The following VPS33B variants were observed in gnomAD, a reference collection of about 807,000 sequenced individuals.
VPS33B encodes the protein vacuolar protein sorting-associated protein 33B.
Under a neutral mutation model 95.3 loss-of-function variants are expected in VPS33B, and 80 were observed. The observed-to-expected ratio is 0.84, with a 90% CI of 0.70 to 1.01. The LOEUF (loss-of-function observed/expected upper bound fraction) is 1.01. Among genes scored for constraint, VPS33B ranks in the 50% least tolerant of loss-of-function variants. The pLI, the probability that VPS33B is intolerant of heterozygous loss-of-function variation, is 0.00. For synonymous variants in VPS33B, 280 were observed against 280.4 expected, an observed-to-expected ratio of 1.00 and a Z score of 0.01; for missense variants, 715 against 773.4, an observed-to-expected ratio of 0.92 and a Z score of 0.90.
rs770899857 is a variant in VPS33B, at chr15:91,007,482, C to T, written c.590G>A (p.Gly197Asp). 9 of 1,614,202 alleles carry T rather than the reference C, an allele frequency of 5.6e-6. No homozygotes were observed. The highest frequency in any genetic ancestry group is 6.8e-6 in the Non-Finnish European group (8 of 1,180,034). The change falls in exon 8 of 23, where the codon GGC becomes GAC. Residue 197 changes from glycine to aspartate, a missense_variant. Transcript: ENST00000333371. This position sits in a 1 kb window ranked among gnomAD's most constrained non-coding sequence, Gnocchi z 5.3. ...YGPFPNCYGI[G>D]RCAKMAYELW... The stretch of plus-strand genomic sequence containing the variant: ...TAGTGCTCTTACCTTGGCGCACCTG[C>T]CAATTCCATAGCAGTTTGGAAAGGG...
At chr15:91,001,978 T>C in intron 18 of VPS33B, 72 bp downstream of exon 18, 4 of 1,610,006 alleles carry the variant, frequency 2.5e-6, no homozygotes, top group Non-Finnish European at 3.4e-6. Context: ...ATTCTGTCCC[T>C]CCCAGCATGC....
At chr15:91,014,165 G>A (rs1347514193) in intron 4 of VPS33B, among the ~76,000 whole-genome samples, 1 of 147,458 alleles carries the variant, frequency 6.8e-6, no homozygotes, top group Non-Finnish European at 1.5e-5. Context: ...GTTGCAGTGA[G>A]CCGAGATCGT....
Position 91,007,349 on chromosome 15 carries a change from A to G in VPS33B, c.603+120T>C, listed in dbSNP as rs975862061. ...TCTCCTCTCTGAGGATCTATTCCAG[A>G]ACAATGAAAGCAAAGTAAAGAATAC... On this transcript the variant is annotated intron_variant, in intron 8 of 22. Coordinates refer to ENST00000333371, the MANE Select transcript of VPS33B (RefSeq NM_018668.5). The surrounding 1 kb of genome is among the most constrained non-coding windows in gnomAD (Gnocchi z 5.3). 2.1e-5 allele frequency: 22 copies of G among 1,051,932 alleles called. No individual in the cohort carries two copies. The highest frequency in any genetic ancestry group is 1.4e-4 in the South Asian group (11 of 77,818). 65.2% of individuals were successfully genotyped at this position (1,051,932 alleles called of 1,614,324 possible). A position where few individuals can be genotyped will look rare whatever the true frequency, so the allele number is the denominator to read the frequency against.
rs543999318 is a variant in VPS33B at position 91,002,815 on chromosome 15, C to T, written c.1272+270G>A. ...ACACGGTGCTAAAATGAGGGAGACT[C>T]CCAGGAGAAAGAACTCACACTGGGG... On this transcript the variant is annotated intron_variant, in intron 17 of 22. Transcript: ENST00000333371. The surrounding 1 kb of genome is among the most constrained non-coding windows in gnomAD (Gnocchi z 4.7). 1.8e-4 allele frequency among the ~76,000 whole-genome samples: 26 copies of T among 147,824 alleles called. No individual in the cohort carries two copies. Among genetic ancestry groups the T allele is most frequent in the Middle Eastern group, 3.4e-3 (1 of 290 alleles).
intron 16 of VPS33B, 22 bp from the exon 17 acceptor site, chr15:91,003,153 C>A: frequency 5.0e-6 from 8 of 1,614,018 alleles, no homozygotes; most frequent in Non-Finnish European, 6.8e-6. Context: ...GAAAATAAGA[C>A]AGGTGCATGA....
At position 91,000,611 on chromosome 15, in the gene VPS33B, C is replaced by T. The variant is rs200348382; in HGVS notation, c.1480-20G>A. On this transcript the variant is annotated intron_variant, in intron 19 of 22. Coordinates refer to ENST00000333371, the MANE Select transcript of VPS33B (RefSeq NM_018668.5). This position sits in a 1 kb window ranked among gnomAD's most constrained non-coding sequence, Gnocchi z 4.9. ...TGGGATCTGTAAGACAAAGGGACTT[C>T]ATTAGGCAAGTGACAGCTCAGCTCC... The T allele has an allele frequency of 4.3e-4, 687 of 1,608,162 alleles. 1 individual carries two copies. The highest frequency in any genetic ancestry group is 8.5e-4 in the Admixed American group (51 of 59,802).
In VPS33B at chr15:91,006,557, G is replaced by C. The variant is rs2040610135; in HGVS notation, c.778+95C>G. The C allele has an allele frequency of 6.8e-6, 11 of 1,607,308 alleles. No individual in the cohort carries two copies. In the South Asian group the frequency reaches 1.2e-4, roughly 18 times the overall value. On this transcript the variant is annotated intron_variant, in intron 10 of 22. Coordinates refer to ENST00000333371, the MANE Select transcript of VPS33B (RefSeq NM_018668.5). This position sits in a 1 kb window ranked among gnomAD's most constrained non-coding sequence, Gnocchi z 5.4. ...TTTGGAAGCCAGCAGTTCATTCAGG[G>C]TCTGGGTCTCTCCCACAAACCCTGC...
chr15:91,009,905 C>T lies in VPS33B; in HGVS notation c.358-59G>A. ...CTTCTTCTCTGTTCTCTCCATTTCT[C>T]TGGAGTTCCTCTGTGGTCACTGATG... On this transcript the variant is annotated intron_variant, in intron 5 of 22. Transcript: ENST00000333371. The surrounding 1 kb of genome is among the most constrained non-coding windows in gnomAD (Gnocchi z 4.1). 1 of 1,598,342 alleles carries T rather than the reference C, an allele frequency of 6.3e-7. No individual in the cohort carries two copies. The highest frequency in any genetic ancestry group is 8.6e-7 in the Non-Finnish European group (1 of 1,166,102).
Position 91,007,543 on chromosome 15 carries a change from C to G in VPS33B, c.529G>C (p.Ala177Pro). 1.2e-6 allele frequency: 2 copies of G among 1,614,196 alleles called. No homozygotes were observed. Among genetic ancestry groups the G allele is most frequent in the Non-Finnish European group, 8.5e-7 (1 of 1,180,038 alleles). Residue 177 changes from alanine to proline, a missense_variant, in exon 8 of 23, where the codon GCT (alanine) becomes CCT (proline). Physicochemically the swap from Ala to Pro is conservative, Grantham distance 27. Transcript: ENST00000333371. This position sits in a 1 kb window ranked among gnomAD's most constrained non-coding sequence, Gnocchi z 5.3. ...EGDQRWINTV[A>P]QALHLLSTLY... is the part of the protein sequence containing the mutation. ...GTGCTGAGAAGGTGTAAGGCCTGAG[C>G]TACAGTGTTGATCCAACGCTGATCT...
At chr15:91,001,099 T>A in intron 19 of VPS33B, 1 of 389,238 alleles carries the variant, frequency 2.6e-6, no homozygotes. Flanking sequence ...GCGGATCACC[T>A]GAGGTCAGAA....
At position 91,006,577 on chromosome 15, in the gene VPS33B, C is replaced by T. The variant is rs904247516; in HGVS notation, c.778+75G>A. The T allele has an allele frequency of 6.2e-7, 1 of 1,609,872 alleles. No individual in the cohort carries two copies. The highest frequency in any genetic ancestry group is 1.1e-5 in the South Asian group (1 of 90,982). Reference sequence around the variant, plus strand: ...TCAGGGTCTGGGTCTCTCCCACAAACCCTGCCCCACGTGGGAGGTGCCAAG... The same window carrying T: ...TCAGGGTCTGGGTCTCTCCCACAAATCCTGCCCCACGTGGGAGGTGCCAAG... On this transcript the variant is annotated intron_variant, in intron 10 of 22. Transcript: ENST00000333371. The surrounding 1 kb of genome is among the most constrained non-coding windows in gnomAD (Gnocchi z 5.4).
At position 91,009,916 on chromosome 15, in the gene VPS33B, C is replaced by T. The variant is rs1319755758; in HGVS notation, c.358-70G>A. The T allele has an allele frequency of 6.4e-7, 1 of 1,574,172 alleles. No individual in the cohort carries two copies. Among genetic ancestry groups the T allele is most frequent in the Non-Finnish European group, 8.7e-7 (1 of 1,144,854 alleles). ...TTCTCTCCATTTCTCTGGAGTTCCT[C>T]TGTGGTCACTGATGAGGACAATAAT... On this transcript the variant is annotated intron_variant, in intron 5 of 22. Coordinates refer to ENST00000333371, the MANE Select transcript of VPS33B (RefSeq NM_018668.5). This position sits in a 1 kb window ranked among gnomAD's most constrained non-coding sequence, Gnocchi z 4.1.
In VPS33B at chr15:90,998,683, G is replaced by A; in HGVS notation, c.*292C>T. ...AGAACGACCAACGTATTACATCTGA[G>A]AGCAGAGGCTTTATTTACAATGACA... is the stretch of plus-strand genomic sequence containing the variant. On this transcript the variant is annotated 3_prime_UTR_variant, in exon 23 of 23. Transcript: ENST00000333371. The surrounding 1 kb of genome is among the most constrained non-coding windows in gnomAD (Gnocchi z 4.8). 1 of 475,450 alleles carries A rather than the reference G, an allele frequency of 2.1e-6. No homozygotes were observed. Among genetic ancestry groups the A allele is most frequent in the East Asian group, 4.2e-5 (1 of 24,010 alleles). The allele number at this position is 475,450 out of a possible 1,614,324, so 29.5% of individuals were successfully genotyped here. A position where few individuals can be genotyped will look rare whatever the true frequency, so the allele number is the denominator to read the frequency against.
chr15:90,999,317 T>TG lies in VPS33B; in HGVS notation c.1775-264dup. On this transcript the variant is annotated intron_variant, in intron 22 of 22. Coordinates refer to ENST00000333371, the MANE Select transcript of VPS33B (RefSeq NM_018668.5). This position sits in a 1 kb window ranked among gnomAD's most constrained non-coding sequence, Gnocchi z 5.1. The stretch of plus-strand genomic sequence containing the variant: ...ATATTCCTGTGCAGGACACTTTGCG[T>TG]GTTTTTTTTTTTTCTCTTGAGATGG... 2 of 559,108 alleles carry TG rather than the reference T, an allele frequency of 3.6e-6. No homozygotes were observed. Among genetic ancestry groups the TG allele is most frequent in the Non-Finnish European group, 6.3e-6 (2 of 316,042 alleles). 34.6% of individuals were successfully genotyped at this position (559,108 alleles called of 1,614,324 possible). A position where few individuals can be genotyped will look rare whatever the true frequency, so the allele number is the denominator to read the frequency against.
chr15:90,999,534 G>A lies in VPS33B; in HGVS notation c.1774+143C>T, dbSNP rs957901941. 24 of 865,058 alleles carry A rather than the reference G, an allele frequency of 2.8e-5. No individual in the cohort carries two copies. The highest frequency in any genetic ancestry group is 3.9e-5 in the Non-Finnish European group (20 of 514,096). The allele number at this position is 865,058 out of a possible 1,614,324, so 53.6% of individuals were successfully genotyped here. On this transcript the variant is annotated intron_variant, in intron 22 of 22. Transcript: ENST00000333371. This position sits in a 1 kb window ranked among gnomAD's most constrained non-coding sequence, Gnocchi z 5.1. ...GGGTTTCACCATGTTGGTCAGGCTA[G>A]GCTCTAACTCCTGACCTCAGGTGAT...
chr15:91,019,787 G>C (rs1300164291), intron 1 of VPS33B, among the ~76,000 whole-genome samples: 1 of 150,884 alleles, frequency 6.6e-6, no homozygotes, highest in Non-Finnish European at 1.5e-5. Flanking sequence ...TAGATTAAGA[G>C]ATACATGGAA....
Position 91,009,367 on chromosome 15 carries a change from C to T in VPS33B, c.403+434G>A, listed in dbSNP as rs772645447. On this transcript the variant is annotated intron_variant, in intron 6 of 22. Transcript: ENST00000333371. This position sits in a 1 kb window ranked among gnomAD's most constrained non-coding sequence, Gnocchi z 4.1. ...TGTTGCCCAGGCTGGAGTGCAATGG[C>T]GTGATCTCGGCTCACTGCAACCTCT... 9.9e-5 allele frequency among the ~76,000 whole-genome samples: 15 copies of T among 151,746 alleles called. No homozygotes were observed. The highest frequency in any genetic ancestry group is 1.5e-4 in the Non-Finnish European group (10 of 67,954).
rs537726134 is a variant in VPS33B, at chr15:91,006,069, C to T, written c.853-10G>A. The T allele has an allele frequency of 4.3e-6, 7 of 1,614,054 alleles. No individual in the cohort carries two copies. In the African/African-American group the frequency reaches 6.7e-5, roughly 15 times the overall value. ...GAATCTCATTAAACACCTGTGAGGA[C>T]AGTAAGACAAGAACAGCTTACTCTG... On this transcript the variant is annotated splice_polypyrimidine_tract_variant and intron_variant, in intron 11 of 22. Coordinates refer to ENST00000333371, the MANE Select transcript of VPS33B (RefSeq NM_018668.5). The surrounding 1 kb of genome is among the most constrained non-coding windows in gnomAD (Gnocchi z 5.4).
rs2040371703 is a variant in VPS33B at position 90,999,537 on chromosome 15, T to C, written c.1774+140A>G. On this transcript the variant is annotated intron_variant, in intron 22 of 22. Coordinates refer to ENST00000333371, the MANE Select transcript of VPS33B (RefSeq NM_018668.5). The surrounding 1 kb of genome is among the most constrained non-coding windows in gnomAD (Gnocchi z 5.1). ...TTTCACCATGTTGGTCAGGCTAGGC[T>C]CTAACTCCTGACCTCAGGTGATCTG... is the stretch of plus-strand genomic sequence containing the variant. The C allele has an allele frequency of 5.6e-6, 5 of 888,274 alleles. No homozygotes were observed. Among genetic ancestry groups the C allele is most frequent in the South Asian group, 5.3e-5 (4 of 76,152 alleles). The allele number at this position is 888,274 out of a possible 1,614,324, so 55.0% of individuals were successfully genotyped here. A position where few individuals can be genotyped will look rare whatever the true frequency, so the allele number is the denominator to read the frequency against.
Sources: gnomAD v4.1 joint callset for allele counts (sites outside exome capture counted in the v4.1 genomes callset) on GRCh38, gnomAD v4.1.1 for gene constraint, Gnocchi (gnomAD v3.1) non-coding constraint, MANE v1.5 for transcripts, NCBI Gene and HGNC (gene_info 2026-07-23, HGNC 2026-07-21) for gene names.